Variants in ANO6 observed in about 807,000 individuals in gnomAD.
The protein encoded by ANO6 is anoctamin-6.
A neutral mutation model predicts 117.5 loss-of-function variants in ANO6; 106 were observed. The observed-to-expected ratio is 0.90, with a 90% confidence interval of 0.77 to 1.06. The LOEUF is 1.06. ANO6 is among the 50% of genes least tolerant of loss of function. The pLI, the probability that ANO6 is intolerant of heterozygous loss-of-function variation, is 0.00. For missense variants in ANO6, 955 were observed against 1,121.1 expected (o/e 0.85, Z 2.12); for synonymous variants, 367 against 385.1 (o/e 0.95, Z 0.55).
intron 1 of ANO6, among the ~76,000 whole-genome samples, chr12:45,239,230 T>A (rs1317034048): frequency 6.6e-6 from 1 of 152,364 alleles, no homozygotes; most frequent in East Asian, 1.9e-4. Flanking sequence ...CTGTTATTGG[T>A]CTATGCAGAG....
chr12:45,364,564 A>G (rs1353662402), intron 8 of ANO6, among the ~76,000 whole-genome samples: 4 of 152,036 alleles, frequency 2.6e-5, no homozygotes, highest in Non-Finnish European at 5.9e-5. Flanking sequence ...TTCTTCTGCT[A>G]TTTCATATCT....
rs376071995 is a variant in ANO6 at position 45,412,027 on chromosome 12, C to T, written c.2011+2540C>T. 2.2e-4 allele frequency among the ~76,000 whole-genome samples: 33 copies of T among 152,342 alleles called. 1 individual carries two copies. The South Asian group carries it at 6.4e-3, about 30-fold the overall frequency. Reference sequence around the variant, plus strand: ...ACATTAACATCCTTCACCCACTTCTCACCAAGTTCTGTATGACCTGTTTGA... The same window carrying T: ...ACATTAACATCCTTCACCCACTTCTTACCAAGTTCTGTATGACCTGTTTGA... On this transcript the variant is annotated intron_variant, in intron 16 of 19. Coordinates refer to ENST00000320560, the MANE Select transcript of ANO6 (RefSeq NM_001025356.3).
intron 12 of ANO6, among the ~76,000 whole-genome samples, chr12:45,391,490 A>G (rs557807835): frequency 6.6e-6 from 1 of 152,318 alleles, no homozygotes; most frequent in East Asian, 1.9e-4. Context: ...TAGTAATGGA[A>G]TACTTGTTAG....
chr12:45,287,099 C>T (rs1222601793), intron 1 of ANO6, among the ~76,000 whole-genome samples: 1 of 152,124 alleles, frequency 6.6e-6, no homozygotes, highest in East Asian at 1.9e-4. Flanking sequence ...ATACTTTATG[C>T]GTAATTACTA....
intron 1 of ANO6, among the ~76,000 whole-genome samples, chr12:45,223,136 C>T (rs1947430894): frequency 6.6e-6 from 1 of 152,174 alleles, no homozygotes; most frequent in African/African-American, 2.4e-5. Flanking sequence ...AAGTGTTTCC[C>T]TGAGTTCCCC....
chr12:45,321,992 C>T (rs901323974), intron 2 of ANO6, among the ~76,000 whole-genome samples: 10 of 152,058 alleles, frequency 6.6e-5, no homozygotes, highest in Admixed American at 1.3e-4. Context: ...GTGAAGAATG[C>T]CTGGTAGTCC....
Position 45,317,127 on chromosome 12 carries a change from A to ATATATATATATATATT in ANO6, c.151-14163_151-14162insATATATATATTTATAT, listed in dbSNP as rs1940068227. On this transcript the variant is annotated intron_variant, in intron 2 of 19. Transcript: ENST00000320560. ...TCTTTTTATATGTATATATATATAT[A>ATATATATATATATATT]TATATTTATTATACTTTAAGTTCCA... 2.9e-5 allele frequency among the ~76,000 whole-genome samples: 3 copies of ATATATATATATATATT among 102,682 alleles called. 1 individual carries two copies. The highest frequency in any genetic ancestry group is 9.2e-5 in the African/African-American group (3 of 32,640). 67.4% of individuals were successfully genotyped at this position (102,682 alleles called of 152,430 possible). A position where few individuals can be genotyped will look rare whatever the true frequency, so the allele number is the denominator to read the frequency against.
chr12:45,320,102 T>G (rs1419498612), intron 2 of ANO6, among the ~76,000 whole-genome samples: 1 of 152,156 alleles, frequency 6.6e-6, no homozygotes, highest in East Asian at 1.9e-4. Flanking sequence ...GAAGGGTTAT[T>G]TGTGTTTCTA....
chr12:45,433,119 A>G (rs979360526), downstream of ANO6, among the ~76,000 whole-genome samples: 3 of 152,222 alleles, frequency 2.0e-5, no homozygotes, highest in Non-Finnish European at 4.4e-5. Flanking sequence ...AGGACCAACC[A>G]GAGAAAGCCA....
At chr12:45,354,626 T>C (rs2137466515) in intron 7 of ANO6, among the ~76,000 whole-genome samples, 1 of 152,250 alleles carries the variant, frequency 6.6e-6, no homozygotes, top group East Asian at 1.9e-4. Flanking sequence ...CTCATGTGTT[T>C]GAGCCTACTG....
chr12:45,369,068 AGCTCTGT>A (rs1941757693), intron 9 of ANO6, among the ~76,000 whole-genome samples: 1 of 152,224 alleles, frequency 6.6e-6, no homozygotes, highest in Non-Finnish European at 1.5e-5. Context: ...ACTCAGATCC[AGCTCTGT>A]TTGAGAAATT....
chr12:45,217,275 T>G (rs938558066), intron 1 of ANO6, among the ~76,000 whole-genome samples: 9 of 152,134 alleles, frequency 5.9e-5, no homozygotes, highest in African/African-American at 1.2e-4. Context: ...AGACTCTAAT[T>G]AAATTACCAA....
At chr12:45,361,340 A>G (rs1409393524) in intron 8 of ANO6, among the ~76,000 whole-genome samples, 1 of 152,068 alleles carries the variant, frequency 6.6e-6, no homozygotes, top group African/African-American at 2.4e-5. Flanking sequence ...TGGATTACCT[A>G]TTGTAGTGTA....
intron 16 of ANO6, among the ~76,000 whole-genome samples, chr12:45,412,768 T>A (rs1943119008): frequency 6.6e-6 from 1 of 152,224 alleles, no homozygotes; most frequent in Non-Finnish European, 1.5e-5. Flanking sequence ...ACACTCTCAG[T>A]TGCTGGGGAT....
At chr12:45,283,287 A>G (rs1387505897) in intron 1 of ANO6, among the ~76,000 whole-genome samples, 1 of 152,170 alleles carries the variant, frequency 6.6e-6, no homozygotes, top group Non-Finnish European at 1.5e-5. Flanking sequence ...AATGTTGACA[A>G]AGGTGAAAAT....
In ANO6 at chr12:45,302,043, C is replaced by T; in HGVS notation, c.100C>T (p.Pro34Ser). 1.2e-6 allele frequency: 2 copies of T among 1,613,854 alleles called. No individual in the cohort carries two copies. The highest frequency in any genetic ancestry group is 8.5e-7 in the Non-Finnish European group (1 of 1,179,862). The change falls in exon 2 of 20, where the codon CCC (proline) becomes TCC (serine). Residue 34 changes from proline (P) to serine (S), a missense_variant. Transcript: ENST00000320560. Reference protein sequence around the residue: ...VLENLGQTIVPDLGSLESQHD... With the variant: ...VLENLGQTIVSDLGSLESQHD... ...GGAAAACCTTGGACAGACAATTGTC[C>T]CCGATTTGGGATCACTGGAAAGTCA...
At chr12:45,323,804 G>A (rs545709797) in intron 2 of ANO6, among the ~76,000 whole-genome samples, 47 of 151,422 alleles carry the variant, frequency 3.1e-4, no homozygotes, top group Non-Finnish European at 5.3e-4. Flanking sequence ...TCATTTACCT[G>A]CTAAATAATA....
chr12:45,298,986 A>G (rs1483324802), intron 1 of ANO6, among the ~76,000 whole-genome samples: 1 of 151,972 alleles, frequency 6.6e-6, no homozygotes, highest in Non-Finnish European at 1.5e-5. Flanking sequence ...ACTGGTGTAA[A>G]AAAAAAAACA....
Position 45,430,532 on chromosome 12 carries a change from CTGAT to C in ANO6, c.*1224_*1227del, listed in dbSNP as rs1348295230. 1 of 985,316 alleles carries C rather than the reference CTGAT, an allele frequency of 1.0e-6. No individual in the cohort carries two copies. Among genetic ancestry groups the C allele is most frequent in the Non-Finnish European group, 1.2e-6 (1 of 829,966 alleles). The allele number at this position is 985,316 out of a possible 1,614,324, so 61.0% of individuals were successfully genotyped here. The stretch of plus-strand genomic sequence containing the variant: ...GGGCCCAGTAATTTGATGTAACTGT[CTGAT>C]TGTACTAGAGACAGGAGTATACCCA... On this transcript the variant is annotated 3_prime_UTR_variant, in exon 20 of 20. Transcript: ENST00000320560.
Sources: gnomAD v4.1 joint callset for allele counts (sites outside exome capture counted in the v4.1 genomes callset) on GRCh38, gnomAD v4.1.1 for gene constraint, MANE v1.5 for transcripts, NCBI Gene and HGNC (gene_info 2026-07-23, HGNC 2026-07-21) for gene names.